Variants in WWTR1 observed in about 807,000 individuals in gnomAD.
WWTR1 encodes WW domain-containing transcription regulator protein 1.
In WWTR1, 13 loss-of-function variants were observed where a neutral mutation model predicts 40.1. The ratio of observed to expected loss-of-function variants is 0.32; its 90% CI spans 0.21 to 0.52. The LOEUF (loss-of-function observed/expected upper bound fraction) is 0.52, where lower values mean the gene tolerates loss of function less well. Among genes scored for constraint, WWTR1 ranks in the 20% least tolerant of loss-of-function variants. WWTR1 has a pLI of 0.97. For missense variants in WWTR1, 436 were observed against 523.1 expected (o/e 0.83, Z 1.63); for synonymous variants, 230 against 210.1 (o/e 1.09, Z -0.82).
intron 2 of WWTR1, among the ~76,000 whole-genome samples, chr3:149,637,845 A>T (rs1467942590): frequency 6.6e-6 from 1 of 152,178 alleles, no homozygotes; most frequent in Non-Finnish European, 1.5e-5. Context: ...AAGCATAGGG[A>T]TGTAGGACAT....
chr3:149,639,415 T>C (rs1448111246), intron 2 of WWTR1, among the ~76,000 whole-genome samples: 1 of 152,090 alleles, frequency 6.6e-6, no homozygotes, highest in Non-Finnish European at 1.5e-5. Context: ...GCTCTGTTGC[T>C]CAGGCCGGTC....
chr3:149,707,729 T>C (rs1237894031), upstream of WWTR1, among the ~76,000 whole-genome samples: 1 of 152,132 alleles, frequency 6.6e-6, no homozygotes, highest in Non-Finnish European at 1.5e-5. Context: ...TCAGCTCCAG[T>C]CACCCTTTCA....
chr3:149,662,652 T>C (rs1168102099), upstream of WWTR1, among the ~76,000 whole-genome samples: 1 of 152,204 alleles, frequency 6.6e-6, no homozygotes, highest in Non-Finnish European at 1.5e-5. Flanking sequence ...GTCTCTGTTT[T>C]CTGGTCTCCT....
chr3:149,596,265 G>A (rs1408700348), intron 2 of WWTR1, among the ~76,000 whole-genome samples: 1 of 152,192 alleles, frequency 6.6e-6, no homozygotes, highest in African/African-American at 2.4e-5. Context: ...GTTTTCCAAA[G>A]ACAAGCCATC....
chr3:149,605,992 C>T (rs1739462622), intron 2 of WWTR1, among the ~76,000 whole-genome samples: 1 of 152,122 alleles, frequency 6.6e-6, no homozygotes, highest in Admixed American at 6.5e-5. Context: ...GTAGTTAGAT[C>T]ATGGGGGCAG....
rs111557688 is a variant in WWTR1, at chr3:149,530,204, G to A, written c.772-2235C>T. Among the ~76,000 whole-genome samples, 691 of 152,084 alleles carry A rather than the reference G, an allele frequency of 4.5e-3. 4 individuals are homozygous for A. Among genetic ancestry groups the A allele is most frequent in the Admixed American group, 5.8e-3 (88 of 15,266 alleles). On this transcript the variant is annotated intron_variant, in intron 4 of 6. Transcript: ENST00000360632. ...CTACTAAAAATACAAAATATTAGCC[G>A]GGTGTGGTGGCATGCACCTGTGGTC...
chr3:149,708,714 T>G lies in WWTR1; in HGVS notation n.585-5386A>C, dbSNP rs191708213. Among the ~76,000 whole-genome samples the G allele has an allele frequency of 1.2e-3, 182 of 152,330 alleles. 1 individual carries two copies. The East Asian group carries it at 0.016, about 13-fold the overall frequency. Reference sequence around the variant, plus strand: ...ATATTTTGTTTATCCATTTGTCTGTTGATGGACACTTAGGTTGATTTCATA... The same window carrying G: ...ATATTTTGTTTATCCATTTGTCTGTGGATGGACACTTAGGTTGATTTCATA... On this transcript the variant is annotated intron_variant and non_coding_transcript_variant, in intron 5 of 6. Coordinates refer to the WWTR1 transcript ENST00000474080.
At chr3:149,675,066 G>T (rs1714218053) in intron 1 of WWTR1, among the ~76,000 whole-genome samples, 1 of 152,200 alleles carries the variant, frequency 6.6e-6, no homozygotes, top group Admixed American at 6.5e-5. Context: ...GACTAAGATG[G>T]TAGAAGGAAA....
At chr3:149,710,508 T>C (rs1385792273) in intron 5 of WWTR1, among the ~76,000 whole-genome samples, 1 of 151,794 alleles carries the variant, frequency 6.6e-6, no homozygotes, top group African/African-American at 2.4e-5. Context: ...TATAGGATTA[T>C]TGTGAAATTA....
In WWTR1 at chr3:149,656,972, T is replaced by G; in HGVS notation, c.335A>C (p.His112Pro). ...AAGSPAQQHA[H>P]LRQQSYDVTD... ...CACGTCGTAGGACTGCTGGCGGAGG[T>G]GCGCGTGCTGCTGCGCGGGGCTACC... Residue 112 changes from histidine (H) to proline (P), a missense_variant, in exon 2 of 7, where the codon CAC (histidine) becomes CCC (proline). Physicochemically the swap from His to Pro is moderately conservative, Grantham distance 77. Coordinates refer to ENST00000360632, the MANE Select transcript of WWTR1 (RefSeq NM_015472.6). The G allele has an allele frequency of 6.3e-7, 1 of 1,598,250 alleles. No homozygotes were observed. The highest frequency in any genetic ancestry group is 8.5e-7 in the Non-Finnish European group (1 of 1,176,246).
Position 149,532,499 on chromosome 3 carries a change from G to C in WWTR1, c.772-4530C>G, listed in dbSNP as rs1318778395. Among the ~76,000 whole-genome samples the C allele has an allele frequency of 2.0e-5, 3 of 152,112 alleles. No homozygotes were observed. In the East Asian group the frequency reaches 5.8e-4, roughly 29 times the overall value. Reference sequence around the variant, plus strand: ...ACATAAAATTTGTTCGAATATAAATGGAAAGTAGTGAGATGTTTTACTTCA... The same window carrying C: ...ACATAAAATTTGTTCGAATATAAATCGAAAGTAGTGAGATGTTTTACTTCA... On this transcript the variant is annotated intron_variant, in intron 4 of 6. Transcript: ENST00000360632.
rs528446113 is a variant in WWTR1, at chr3:149,530,996, G to A, written c.772-3027C>T. 1.1e-4 allele frequency among the ~76,000 whole-genome samples: 16 copies of A among 151,710 alleles called. No individual in the cohort carries two copies. In the East Asian group the frequency reaches 2.7e-3, roughly 26 times the overall value. On this transcript the variant is annotated intron_variant, in intron 4 of 6. Coordinates refer to ENST00000360632, the MANE Select transcript of WWTR1 (RefSeq NM_015472.6). Reference sequence around the variant, plus strand: ...CTCAGCCAGGCTGGAGTGCAGTGGCGTGATCTCAGCTCACTGCAACCTTCA... The same window carrying A: ...CTCAGCCAGGCTGGAGTGCAGTGGCATGATCTCAGCTCACTGCAACCTTCA...
intron 2 of WWTR1, among the ~76,000 whole-genome samples, chr3:149,598,173 C>T (rs1177836305): frequency 1.3e-5 from 2 of 152,196 alleles, no homozygotes; most frequent in Non-Finnish European, 2.9e-5. Flanking sequence ...CTTCACATTA[C>T]CTGTCTCCTA....
intron 4 of WWTR1, among the ~76,000 whole-genome samples, chr3:149,720,943 G>A (rs962719640): frequency 5.9e-5 from 9 of 151,918 alleles, no homozygotes; most frequent in East Asian, 1.9e-4. Context: ...ATATAAATGC[G>A]ACTGATTTTT....
At chr3:149,644,225 C>A (rs1436570627) in intron 2 of WWTR1, among the ~76,000 whole-genome samples, 1 of 152,146 alleles carries the variant, frequency 6.6e-6, no homozygotes, top group African/African-American at 2.4e-5. Flanking sequence ...AATCCATCAC[C>A]AAATCCTGTC....
intron 2 of WWTR1, among the ~76,000 whole-genome samples, chr3:149,648,171 T>C (rs1712642479): frequency 6.6e-6 from 1 of 152,186 alleles, no homozygotes; most frequent in South Asian, 2.1e-4. Context: ...CTCCACTGCA[T>C]TTAGTATCTG....
rs1735000013 is a variant in WWTR1, at chr3:149,520,696, C to G, written c.*109G>C. ...AACATAAAAAGGAGGGAGCACGAGT[C>G]ATGGAGGCGGGAAGTGGTGCACCTG... On this transcript the variant is annotated 3_prime_UTR_variant, in exon 7 of 7. Coordinates refer to ENST00000360632, the MANE Select transcript of WWTR1 (RefSeq NM_015472.6). 8.6e-6 allele frequency: 9 copies of G among 1,052,350 alleles called. 2 individuals carry two copies. The South Asian group carries it at 2.0e-4, about 23-fold the overall frequency. The allele number at this position is 1,052,350 out of a possible 1,614,324, so 65.2% of individuals were successfully genotyped here. A position where few individuals can be genotyped will look rare whatever the true frequency, so the allele number is the denominator to read the frequency against.
At chr3:149,648,396 T>C (rs1284336179) in intron 2 of WWTR1, among the ~76,000 whole-genome samples, 1 of 151,650 alleles carries the variant, frequency 6.6e-6, no homozygotes, top group African/African-American at 2.4e-5. Context: ...CTTCCCCTGA[T>C]GGAGGTTACA....
intron 2 of WWTR1, among the ~76,000 whole-genome samples, chr3:149,579,637 C>A (rs925122551): frequency 2.0e-5 from 3 of 152,070 alleles, no homozygotes; most frequent in Non-Finnish European, 4.4e-5. Flanking sequence ...CATAAAAAGA[C>A]CCTAGCTCTT....
Sources: gnomAD v4.1 joint callset for allele counts (sites outside exome capture counted in the v4.1 genomes callset) on GRCh38, gnomAD v4.1.1 for gene constraint, MANE v1.5 for transcripts, NCBI Gene and HGNC (gene_info 2026-07-23, HGNC 2026-07-21) for gene names.